TASL: variants seen among roughly 807,000 people sequenced by gnomAD.
TASL encodes TLR adapter interacting with SLC15A4 on the lysosome.
Under a neutral mutation model 12.9 loss-of-function variants are expected in TASL, and 6 were observed. That is an observed-to-expected ratio of 0.46 (90% CI 0.25 to 0.92). The LOEUF is 0.92. Ranked by LOEUF, TASL falls within the 40% of genes least tolerant of loss-of-function variation. The probability of loss-of-function intolerance (pLI) is 0.17; values close to 1 mark genes in which losing one functional copy is unlikely to be tolerated. For synonymous variants in TASL, 85 were observed against 79.3 expected (o/e 1.07, Z -0.38); for missense variants, 165 against 212.8 (o/e 0.78, Z 1.40).
intron 2 of TASL, among the ~76,000 whole-genome samples, chrX:30,573,177 A>G (rs1216935549): frequency 8.9e-6 from 1 of 112,622 alleles, no homozygotes; most frequent in Non-Finnish European, 1.9e-5. Flanking sequence ...AAGGCCACAC[A>G]GCTACTAAGT....
chrX:30,572,546 T>G (rs1930643299), intron 2 of TASL, among the ~76,000 whole-genome samples: 1 of 112,258 alleles, frequency 8.9e-6, no homozygotes, highest in South Asian at 3.6e-4. Context: ...GTCACCATGC[T>G]GTACAAGAGA....
intron 2 of TASL, among the ~76,000 whole-genome samples, chrX:30,571,636 G>A (rs200409706): frequency 5.2e-4 from 6 of 11,503 alleles, no homozygotes; most frequent in Admixed American, 1.3e-3. Context: ...TCAAAAAAAA[G>A]GGGGGGGGGG....
rs1474811043 is a variant in TASL at position 30,559,385 on chromosome X, G to A, written c.*65C>T. The A allele has an allele frequency of 3.3e-6, 3 of 899,852 alleles. No individual in the cohort carries two copies. In the African/African-American group the frequency reaches 6.0e-5, roughly 18 times the overall value. 74.2% of individuals were successfully genotyped at this position (899,852 alleles called of 1,213,427 possible). A position where few individuals can be genotyped will look rare whatever the true frequency, so the allele number is the denominator to read the frequency against. Reference sequence around the variant, plus strand: ...CACTAACCCCTCCTGCACATTCTCAGAATAAATGGATAAAGTGTTGCTTCA... The same window carrying A: ...CACTAACCCCTCCTGCACATTCTCAAAATAAATGGATAAAGTGTTGCTTCA... On this transcript the variant is annotated 3_prime_UTR_variant, in exon 3 of 3. Transcript: ENST00000378962.
chrX:30,569,372 A>G (rs1358019949), intron 2 of TASL, among the ~76,000 whole-genome samples: 1 of 111,454 alleles, frequency 9.0e-6, no homozygotes, highest in East Asian at 2.8e-4. Context: ...AAATGGCACC[A>G]TCATTGACCA....
At position 30,559,830 on chromosome X, in the gene TASL, A is replaced by G; in HGVS notation, c.526T>C (p.Phe176Leu). 4 of 1,210,657 alleles carry G rather than the reference A, an allele frequency of 3.3e-6. No homozygotes were observed. The highest frequency in any genetic ancestry group is 4.5e-6 in the Non-Finnish European group (4 of 895,057). ...EDSISTQPSD[F>L]PQKPIQRYSS... ...TACCGCTGGATAGGTTTTTGGGGAAAGTCACTGGGCTGAGTAGAAATGGAA... is the reference window on the plus strand; with the variant it reads ...TACCGCTGGATAGGTTTTTGGGGAAGGTCACTGGGCTGAGTAGAAATGGAA... Residue 176 changes from phenylalanine to leucine, a missense_variant, in exon 3 of 3, where the codon TTT (phenylalanine) becomes CTT (leucine). Transcript: ENST00000378962.
chrX:30,566,138 T>C (rs993245690), intron 2 of TASL, among the ~76,000 whole-genome samples: 1 of 111,633 alleles, frequency 9.0e-6, no homozygotes, highest in Non-Finnish European at 1.9e-5. Flanking sequence ...ATTTTTAGCA[T>C]ACTAAAGTAA....
chrX:30,560,882 G>A (rs1930410681), intron 2 of TASL, among the ~76,000 whole-genome samples: 1 of 110,997 alleles, frequency 9.0e-6, no homozygotes, highest in African/African-American at 3.3e-5. Context: ...GGATCGTGAA[G>A]AGCCTTGGCA....
chrX:30,560,036 C>T lies in TASL; in HGVS notation c.320G>A (p.Ser107Asn), dbSNP rs762706999. 9.1e-6 allele frequency: 11 copies of T among 1,211,269 alleles called. No individual in the cohort carries two copies. Among genetic ancestry groups the T allele is most frequent in the Non-Finnish European group, 1.2e-5 (11 of 895,026 alleles). ...LAAVEICRDA[S>N]RETYLVPSSC... ...AGATGGAACCAAGTAGGTCTCTCTG[C>T]TGGCATCTCTACATATTTCAACTGC... is the stretch of plus-strand genomic sequence containing the variant. Residue 107 changes from serine (S) to asparagine (N), a missense_variant, in exon 3 of 3, where the codon AGC becomes AAC. Ser to Asn is a conservative substitution (Grantham distance 46). Coordinates refer to ENST00000378962, the MANE Select transcript of TASL (RefSeq NM_025159.3).
intron 2 of TASL, among the ~76,000 whole-genome samples, chrX:30,561,273 G>A (rs1349387059): frequency 5.4e-5 from 6 of 111,299 alleles, no homozygotes; most frequent in Non-Finnish European, 9.4e-5. Context: ...AAATGTCTCT[G>A]TATCTAACTG....
intron 2 of TASL, among the ~76,000 whole-genome samples, chrX:30,571,256 G>GAAAGAGAAAGAAAGAA (rs1179232270): frequency 3.5e-4 from 13 of 36,800 alleles, no homozygotes; most frequent in East Asian, 2.3e-3. Context: ...GAGAAAGAAA[G>GAAAGAGAAAGAAAGAA]AGAAAGAAAG....
intron 2 of TASL, 137 bp downstream of exon 2, chrX:30,576,615 G>A (rs2147088905): frequency 8.9e-6 from 1 of 111,772 alleles, no homozygotes; most frequent in South Asian, 3.7e-4. Context: ...ATTGTATAAT[G>A]TTTATTAAGA....
In TASL at chrX:30,559,622, A is replaced by G; in HGVS notation, c.734T>C (p.Ile245Thr). ...SPTQILASEL[I>T]MTSVDQISLQ... is the part of the protein sequence containing the mutation. ...ACTGATTTGGTCTACACTTGTCATG[A>G]TGAGTTCAGACGCCAGAATCTGGGT... is the stretch of plus-strand genomic sequence containing the variant. Residue 245 changes from isoleucine to threonine, a missense_variant, in exon 3 of 3, where the codon ATC (isoleucine) becomes ACC (threonine). Physicochemically the swap from Ile to Thr is moderately conservative, Grantham distance 89. Coordinates refer to ENST00000378962, the MANE Select transcript of TASL (RefSeq NM_025159.3). 1 of 1,210,607 alleles carries G rather than the reference A, an allele frequency of 8.3e-7. No homozygotes were observed. The highest frequency in any genetic ancestry group is 1.1e-6 in the Non-Finnish European group (1 of 894,789).
chrX:30,564,903 G>T (rs1348681941), intron 2 of TASL, among the ~76,000 whole-genome samples: 1 of 111,814 alleles, frequency 8.9e-6, no homozygotes, highest in African/African-American at 3.2e-5. Flanking sequence ...CCCTCCTTAA[G>T]TTGCACCTCT....
Position 30,559,824 on chromosome X carries a change from G to T in TASL, c.532C>A (p.Gln178Lys). 8.3e-7 allele frequency: 1 copy of T among 1,210,351 alleles called. No homozygotes were observed. The highest frequency in any genetic ancestry group is 1.1e-6 in the Non-Finnish European group (1 of 894,946). The change falls in exon 3 of 3, where the codon CAA becomes AAA. Residue 178 changes from glutamine (Q) to lysine (K), a missense_variant. Coordinates refer to ENST00000378962, the MANE Select transcript of TASL (RefSeq NM_025159.3). ...SISTQPSDFP[Q>K]KPIQRYSSYW... Reference sequence around the variant, plus strand: ...GATGAGTACCGCTGGATAGGTTTTTGGGGAAAGTCACTGGGCTGAGTAGAA... The same window carrying T: ...GATGAGTACCGCTGGATAGGTTTTTTGGGAAAGTCACTGGGCTGAGTAGAA...
chrX:30,570,390 A>G (rs1910925453), intron 2 of TASL, among the ~76,000 whole-genome samples: 1 of 111,583 alleles, frequency 9.0e-6, no homozygotes, highest in Admixed American at 9.6e-5. Flanking sequence ...AGTACTAGCT[A>G]CAACCCAGAT....
At chrX:30,577,044 A>G (rs1426381631) in intron 1 of TASL, among the ~76,000 whole-genome samples, 178 bp from the exon 2 acceptor site, 1 of 112,181 alleles carries the variant, frequency 8.9e-6, no homozygotes, top group African/African-American at 3.2e-5. Context: ...CTTTCCCCAA[A>G]TCACCCAGAT....
chrX:30,563,785 G>C (rs1175253041), intron 2 of TASL, among the ~76,000 whole-genome samples: 1 of 111,963 alleles, frequency 8.9e-6, no homozygotes, highest in East Asian at 2.8e-4. Flanking sequence ...CTCCAAGAAT[G>C]CTAGCAAGAG....
At chrX:30,571,262 G>GAAAGAAAGAAAGAAAGAAAAAGAAAGAA (rs1569306053) in intron 2 of TASL, among the ~76,000 whole-genome samples, 1 of 27,321 alleles carries the variant, frequency 3.7e-5, no homozygotes, top group African/African-American at 1.1e-4. Context: ...GAAAGAGAAA[G>GAAAGAAAGAAAGAAAGAAAAAGAAAGAA]AAAGAAAGAA....
chrX:30,562,836 A>AT (rs373351794), intron 2 of TASL, among the ~76,000 whole-genome samples: 1,640 of 106,160 alleles, frequency 0.015, 19 homozygotes, highest in Non-Finnish European at 0.024. Flanking sequence ...ACATGCATGT[A>AT]TTTTTTTTTC....
Sources: allele counts gnomAD v4.1 joint callset (sites outside exome capture counted in the v4.1 genomes callset), GRCh38; gene constraint gnomAD v4.1.1; transcripts MANE v1.5; gene names NCBI Gene and HGNC (gene_info 2026-07-23, HGNC 2026-07-21).